ASAP1: variants seen among roughly 807,000 people sequenced by gnomAD.
ASAP1 encodes the protein arf-GAP with SH3 domain, ANK repeat and PH domain-containing protein 1.
Under a neutral mutation model 145.2 loss-of-function variants are expected in ASAP1, and 43 were observed. The ratio of observed to expected loss-of-function variants is 0.30; its 90% confidence interval spans 0.23 to 0.38. The LOEUF is 0.38. Ranked by LOEUF, ASAP1 falls within the 10% of genes least tolerant of loss-of-function variation. The pLI, the probability that ASAP1 is intolerant of heterozygous loss-of-function variation, is 1.00. For synonymous variants in ASAP1, 546 were observed against 515.5 expected (o/e 1.06, Z -0.80); for missense variants, 1,018 against 1,355.3 (o/e 0.75, Z 3.91).
At chr8:130,119,226 G>A (rs2097561514) in intron 18 of ASAP1, among the ~76,000 whole-genome samples, 1 of 152,168 alleles carries the variant, frequency 6.6e-6, no homozygotes, top group South Asian at 2.1e-4. Flanking sequence ...TTACAGGTGT[G>A]AGCCGGCCTG....
chr8:130,127,874 T>G, intron 16 of ASAP1, 53 bp downstream of exon 16: 9 of 1,592,322 alleles, frequency 5.7e-6, no homozygotes, highest in Non-Finnish European at 6.8e-6. Flanking sequence ...TTTTATATTC[T>G]ACAGGAAGAG....
At chr8:130,084,390 T>TC (rs1491430957) in intron 25 of ASAP1, 3 of 152,214 alleles carry the variant, frequency 2.0e-5, no homozygotes, top group African/African-American at 7.2e-5. Flanking sequence ...AATCCCTTTT[T>TC]CTCTCTCTGT....
chr8:130,185,790 T>C (rs1351112494), intron 7 of ASAP1, among the ~76,000 whole-genome samples: 1 of 146,200 alleles, frequency 6.8e-6, no homozygotes, highest in Non-Finnish European at 1.5e-5. Context: ...GACAAGTTCA[T>C]ATGTTGAGTG....
chr8:130,117,480 C>A (rs1211372487), intron 20 of ASAP1, among the ~76,000 whole-genome samples: 1 of 152,152 alleles, frequency 6.6e-6, no homozygotes, highest in Non-Finnish European at 1.5e-5. Flanking sequence ...GTCTATGTAC[C>A]ATTTTTCCTC....
At chr8:130,110,735 GTCTC>G (rs982977779) in intron 24 of ASAP1, among the ~76,000 whole-genome samples, 2 of 152,152 alleles carry the variant, frequency 1.3e-5, no homozygotes, top group Non-Finnish European at 2.9e-5. Flanking sequence ...GCCATTTGGG[GTCTC>G]TCTAAGAACA....
At chr8:130,168,310 A>G (rs950863608) in intron 10 of ASAP1, among the ~76,000 whole-genome samples, 2 of 152,180 alleles carry the variant, frequency 1.3e-5, no homozygotes, top group African/African-American at 2.4e-5. Context: ...AAAAAGAGAG[A>G]TAATATAAAA....
chr8:130,153,365 A>ACG (rs2097651537), intron 12 of ASAP1, among the ~76,000 whole-genome samples: 1 of 105,770 alleles, frequency 9.5e-6, no homozygotes, highest in Non-Finnish European at 2.0e-5. Flanking sequence ...ATATGTATAT[A>ACG]TATATATATA....
intron 3 of ASAP1, among the ~76,000 whole-genome samples, chr8:130,322,319 T>A (rs1244174491): frequency 2.0e-5 from 3 of 147,176 alleles, no homozygotes; most frequent in Non-Finnish European, 4.5e-5. Context: ...AAAAAAAAAA[T>A]GAAAATGCTG....
At chr8:130,262,987 C>T (rs937754992) in intron 3 of ASAP1, among the ~76,000 whole-genome samples, 16 of 152,158 alleles carry the variant, frequency 1.1e-4, no homozygotes, top group African/African-American at 3.4e-4. Context: ...TAACCCCTTA[C>T]GTTGAGAATA....
At chr8:130,059,058 A>G (rs934682706) in intron 28 of ASAP1, among the ~76,000 whole-genome samples, 1 of 152,222 alleles carries the variant, frequency 6.6e-6, no homozygotes, top group African/African-American at 2.4e-5. Flanking sequence ...TCCCTTTTGA[A>G]TAGCAGAAGT....
intron 24 of ASAP1, among the ~76,000 whole-genome samples, chr8:130,093,683 A>AAAAAAAAAAAAAAAAAAAAAAAC (rs2097510801): frequency 6.6e-6 from 1 of 150,854 alleles, no homozygotes. Context: ...AAAAAAAAAA[A>AAAAAAAAAAAAAAAAAAAAAAAC]AAAAAAGAAA....
In ASAP1 at chr8:130,090,585, C is replaced by A. The variant is rs568636864; in HGVS notation, c.2572+1388G>T. ...TCCCTGGCTTTCCTCTAAAGTCTGACATTCAGTTTTCTGGCATTTCTAGTG... is the reference window on the plus strand; with the variant it reads ...TCCCTGGCTTTCCTCTAAAGTCTGAAATTCAGTTTTCTGGCATTTCTAGTG... On this transcript the variant is annotated intron_variant, in intron 25 of 29. Coordinates refer to ENST00000518721, the MANE Select transcript of ASAP1 (RefSeq NM_018482.4). Among the ~76,000 whole-genome samples, 17 of 152,326 alleles carry A rather than the reference C, an allele frequency of 1.1e-4. 1 individual carries two copies. The South Asian group carries it at 3.5e-3, about 32-fold the overall frequency.
At chr8:130,305,527 C>A (rs965816750) in intron 3 of ASAP1, among the ~76,000 whole-genome samples, 1 of 152,066 alleles carries the variant, frequency 6.6e-6, no homozygotes, top group Non-Finnish European at 1.5e-5. Flanking sequence ...CCATGTCTGG[C>A]TAATTTTTGT....
intron 5 of ASAP1, among the ~76,000 whole-genome samples, chr8:130,207,224 T>C (rs1261229993): frequency 3.3e-5 from 5 of 152,174 alleles, no homozygotes; most frequent in African/African-American, 9.7e-5. Flanking sequence ...ATATATTCCA[T>C]GAACAACAAA....
chr8:130,246,584 T>C (rs563154781), intron 3 of ASAP1, among the ~76,000 whole-genome samples: 3 of 152,296 alleles, frequency 2.0e-5, no homozygotes, highest in East Asian at 3.9e-4. Flanking sequence ...GCTTCGTCTT[T>C]GCCTTCTGCC....
At chr8:130,364,675 G>A (rs954142732) in intron 2 of ASAP1, among the ~76,000 whole-genome samples, 2 of 152,160 alleles carry the variant, frequency 1.3e-5, no homozygotes, top group Admixed American at 6.5e-5. Context: ...GCAGCTCCTT[G>A]CCCCATTCCT....
At position 130,371,958 on chromosome 8, in the gene ASAP1, T is replaced by C. The variant is rs189903269; in HGVS notation, c.60-13815A>G. Among the ~76,000 whole-genome samples the C allele has an allele frequency of 4.2e-4, 64 of 152,324 alleles. No individual in the cohort carries two copies. In the East Asian group the frequency reaches 7.9e-3, roughly 19 times the overall value. ...ATATGAAAACGGCTTATCTCAGAAG[T>C]GGTCAAATGAGAAGCATTCTACCAG... On this transcript the variant is annotated intron_variant, in intron 2 of 29. Coordinates refer to ENST00000518721, the MANE Select transcript of ASAP1 (RefSeq NM_018482.4).
chr8:130,069,018 A>AG (rs139042428), intron 27 of ASAP1, among the ~76,000 whole-genome samples: 354 of 152,320 alleles, frequency 2.3e-3, no homozygotes, highest in African/African-American at 8.3e-3. Flanking sequence ...AATTAACAAG[A>AG]GAACAGGGAA....
chr8:130,070,759 G>T (rs1199631448), intron 27 of ASAP1, among the ~76,000 whole-genome samples: 1 of 147,252 alleles, frequency 6.8e-6, no homozygotes, highest in African/African-American at 2.5e-5. Flanking sequence ...AAATGGAAAT[G>T]GTTTATAGAG....
Sources: gnomAD v4.1 joint callset for allele counts (sites outside exome capture counted in the v4.1 genomes callset) on GRCh38, gnomAD v4.1.1 for gene constraint, MANE v1.5 for transcripts, NCBI Gene and HGNC (gene_info 2026-07-23, HGNC 2026-07-21) for gene names.